RBM4: variants seen among roughly 807,000 people sequenced by gnomAD.
The protein encoded by RBM4 is RNA-binding protein 4.
RBM4 carries 7 observed loss-of-function variants against 29.5 expected under a neutral mutation model. The ratio of observed to expected loss-of-function variants is 0.24; its 90% CI spans 0.14 to 0.45. The LOEUF (loss-of-function observed/expected upper bound fraction) is 0.45, where lower values mean the gene tolerates loss of function less well. RBM4 is among the 20% of genes least tolerant of loss of function. The probability of loss-of-function intolerance (pLI) is 1.00; values close to 1 mark genes in which losing one functional copy is unlikely to be tolerated. For missense variants in RBM4, 387 were observed against 502.3 expected, an observed-to-expected ratio of 0.77 and a Z score of 2.19; for synonymous variants, 220 against 205.4, an observed-to-expected ratio of 1.07 and a Z score of -0.61.
At chr11:66,653,705 C>T (rs908872827) in intron 2 of RBM4, among the ~76,000 whole-genome samples, 3 of 152,110 alleles carry the variant, frequency 2.0e-5, no homozygotes, top group Non-Finnish European at 2.9e-5. Flanking sequence ...ACATATAACA[C>T]ACAAAATATG....
chr11:66,664,439 C>T (rs1321388257), intron 2 of RBM4, among the ~76,000 whole-genome samples: 1 of 151,980 alleles, frequency 6.6e-6, no homozygotes, highest in South Asian at 2.1e-4. Flanking sequence ...CGTGAGCTAT[C>T]GCGCCTGGCC....
chr11:66,665,934 T>C lies in RBM4; in HGVS notation c.491T>C (p.Ile164Thr), dbSNP rs1939216016. 2 of 1,535,242 alleles carry C rather than the reference T, an allele frequency of 1.3e-6. No individual in the cohort carries two copies. The highest frequency in any genetic ancestry group is 2.4e-5 in the East Asian group (1 of 40,910). The change falls in exon 3 of 3, where the codon ATT becomes ACT. Residue 164 changes from isoleucine (I) to threonine (T), a missense_variant. Coordinates refer to the RBM4 transcript ENST00000396053. Reference sequence around the variant, plus strand: ...TACATTTTCAAGAACTGCAATTTAATTTTGGAGTCCAGGAAAAGCAGAAGA... The same window carrying C: ...TACATTTTCAAGAACTGCAATTTAACTTTGGAGTCCAGGAAAAGCAGAAGA...
At chr11:66,659,675 TTC>T (rs979021521) in intron 2 of RBM4, among the ~76,000 whole-genome samples, 4 of 152,128 alleles carry the variant, frequency 2.6e-5, no homozygotes, top group Non-Finnish European at 5.9e-5. Flanking sequence ...CCTTATCCCA[TTC>T]TCTCTTTCAG....
At chr11:66,663,673 G>T (rs892744988) in intron 2 of RBM4, among the ~76,000 whole-genome samples, 8 of 151,780 alleles carry the variant, frequency 5.3e-5, no homozygotes, top group African/African-American at 1.9e-4. Context: ...CTGGAGAGGG[G>T]TGGTAACTAG....
At chr11:66,646,561 G>A, downstream of RBM4, 2 of 985,814 alleles carry the variant, frequency 2.0e-6, no homozygotes, top group Non-Finnish European at 1.2e-6. Context: ...AAGACACTCA[G>A]CTTTGGGTGA....
chr11:66,644,807 C>T (rs1181732935), intron 3 of RBM4: 1 of 640,990 alleles, frequency 1.6e-6, no homozygotes, highest in Non-Finnish European at 1.9e-6. Context: ...GAAGTCTGGG[C>T]ATAGATGCTA....
chr11:66,640,423 T>G (rs1344494958), intron 2 of RBM4: 7 of 525,932 alleles, frequency 1.3e-5, no homozygotes, highest in Non-Finnish European at 2.3e-5. Flanking sequence ...GCCTTTTTTA[T>G]TTTTTATTTT....
chr11:66,665,606 T>C (rs1267027473), intron 2 of RBM4: 10 of 1,535,886 alleles, frequency 6.5e-6, no homozygotes, highest in Non-Finnish European at 7.8e-6. Flanking sequence ...ACAAGAGGCT[T>C]ACACAATGCC....
intron 3 of RBM4, 30 bp from the exon 4 acceptor site, chr11:66,645,997 G>A (rs1303002665): frequency 6.5e-7 from 1 of 1,535,922 alleles, no homozygotes; most frequent in Admixed American, 2.0e-5. Flanking sequence ...GAGCTTTGCT[G>A]TAAAGCCGCT....
At chr11:66,644,310 T>A (rs923943252) in intron 3 of RBM4, 170 bp downstream of exon 3, 1 of 935,442 alleles carries the variant, frequency 1.1e-6, no homozygotes, top group Non-Finnish European at 1.5e-6. Context: ...TTAAAATACA[T>A]AGAGTTCCTT....
At chr11:66,661,107 T>G (rs1457285395) in intron 2 of RBM4, among the ~76,000 whole-genome samples, 1 of 152,194 alleles carries the variant, frequency 6.6e-6, no homozygotes, top group Non-Finnish European at 1.5e-5. Context: ...CCTAAGGCAC[T>G]TCAGATTGAA....
At chr11:66,656,573 G>A (rs117685950) in intron 2 of RBM4, among the ~76,000 whole-genome samples, 3,697 of 152,166 alleles carry the variant, frequency 0.024, 58 homozygotes, top group Non-Finnish European at 0.039. Flanking sequence ...CACTATGCCC[G>A]GCCTGAAGTA....
chr11:66,644,518 G>T (rs1436104160), intron 3 of RBM4: 3 of 275,952 alleles, frequency 1.1e-5, no homozygotes, highest in Non-Finnish European at 1.8e-5. Context: ...TTTCCTACGT[G>T]TGCGACATTC....
At chr11:66,649,119 G>T (rs941290832), downstream of RBM4, among the ~76,000 whole-genome samples, 14 of 152,184 alleles carry the variant, frequency 9.2e-5, no homozygotes, top group Middle Eastern at 3.4e-3. Flanking sequence ...TGATTCTCCT[G>T]CCTCAGCCTC....
chr11:66,642,221 A>T (rs1938497616), intron 2 of RBM4, among the ~76,000 whole-genome samples: 1 of 152,136 alleles, frequency 6.6e-6, no homozygotes, highest in Admixed American at 6.5e-5. Flanking sequence ...TGCAAGGAAA[A>T]TTGTGTGTTT....
chr11:66,665,909 T>TA lies in RBM4; in HGVS notation c.467dup (p.Tyr156Ter). The change falls in exon 3 of 3, where the codon TAC becomes TAAC. Residue 156 changes from tyrosine to a stop codon, truncating the protein, a stop_gained and frameshift_variant. Coordinates refer to the RBM4 transcript ENST00000396053. LOFTEE classifies it low-confidence loss of function (END_TRUNC). ...CTGTTGCTGTAACAAAGGGCATACA[T>TA]ACATTTTCAAGAACTGCAATTTAAT... 1 of 1,535,504 alleles carries TA rather than the reference T, an allele frequency of 6.5e-7. No homozygotes were observed. The highest frequency in any genetic ancestry group is 1.7e-4 in the Middle Eastern group (1 of 5,990).
chr11:66,656,497 G>A (rs1938951317), intron 2 of RBM4, among the ~76,000 whole-genome samples: 3 of 151,842 alleles, frequency 2.0e-5, no homozygotes, highest in Admixed American at 1.3e-4. Flanking sequence ...GACTGGTCTC[G>A]AACTCCCAGC....
chr11:66,646,107 TTCTCGGC>T lies in RBM4; in HGVS notation c.*93_*99del. 6.5e-7 allele frequency: 1 copy of T among 1,535,220 alleles called. No individual in the cohort carries two copies. The highest frequency in any genetic ancestry group is 8.7e-7 in the Non-Finnish European group (1 of 1,146,800). ...TTCGTGGTACCCCATCTCCGGGACG[TTCTCGGC>T]TCTGTGCGTTCAGTCCCTCAGGAAC... On this transcript the variant is annotated 3_prime_UTR_variant, in exon 4 of 4. Transcript: ENST00000310092.
In RBM4 at chr11:66,665,957, A is replaced by T. The variant is rs756764534; in HGVS notation, c.514A>T (p.Arg172Ter). 2.0e-5 allele frequency: 30 copies of T among 1,528,220 alleles called. No homozygotes were observed. Among genetic ancestry groups the T allele is most frequent in the Non-Finnish European group, 2.6e-5 (30 of 1,140,802 alleles). 94.7% of individuals were successfully genotyped at this position (1,528,220 alleles called of 1,614,324 possible). A position where few individuals can be genotyped will look rare whatever the true frequency, so the allele number is the denominator to read the frequency against. The change falls in exon 3 of 3, where the codon AGA becomes TGA. Residue 172 changes from arginine (R) to a stop codon, truncating the protein, a stop_gained. Transcript: ENST00000396053. LOFTEE classifies it high-confidence loss of function. The stretch of plus-strand genomic sequence containing the variant: ...AATTTTGGAGTCCAGGAAAAGCAGA[A>T]GATGCTGAGATGTCATATATGGCGA...
Sources: gnomAD v4.1 joint callset for allele counts (sites outside exome capture counted in the v4.1 genomes callset) on GRCh38, gnomAD v4.1.1 for gene constraint, MANE v1.5 for transcripts, NCBI Gene and HGNC (gene_info 2026-07-23, HGNC 2026-07-21) for gene names.